FAM193A: variants seen among roughly 807,000 people sequenced by gnomAD.
FAM193A encodes family with sequence similarity 193 member A, also known as protein FAM193A.
In FAM193A, 22 loss-of-function variants were observed where a neutral mutation model predicts 126.5. That is an observed-to-expected ratio of 0.17 (90% CI 0.12 to 0.25). FAM193A has a LOEUF of 0.25. Among genes scored for constraint, FAM193A ranks in the 10% least tolerant of loss-of-function variants. FAM193A has a pLI of 1.00. For missense variants in FAM193A, 1,675 were observed against 1,672.8 expected (o/e 1.00, Z -0.02); for synonymous variants, 761 against 646.8 (o/e 1.18, Z -2.68).
chr4:2,542,638 T>C (rs923004240), intron 1 of FAM193A, among the ~76,000 whole-genome samples: 1 of 152,210 alleles, frequency 6.6e-6, no homozygotes, highest in African/African-American at 2.4e-5. Flanking sequence ...GTACCTTGTA[T>C]GGTGCAAAAT....
At chr4:2,579,854 G>T (rs1383544304) in intron 1 of FAM193A, among the ~76,000 whole-genome samples, 1 of 152,210 alleles carries the variant, frequency 6.6e-6, no homozygotes, top group Admixed American at 6.5e-5. Flanking sequence ...TTTAACCATT[G>T]TGGAAGATGA....
At chr4:2,724,763 A>G (rs1024200587) in intron 20 of FAM193A, among the ~76,000 whole-genome samples, 4 of 152,328 alleles carry the variant, frequency 2.6e-5, no homozygotes, top group South Asian at 2.1e-4. Context: ...GAAGCTTTAC[A>G]TTATTGGCAG....
At chr4:2,730,376 C>T (rs1560629881) in intron 20 of FAM193A, among the ~76,000 whole-genome samples, 1 of 152,086 alleles carries the variant, frequency 6.6e-6, no homozygotes, top group South Asian at 2.1e-4. Context: ...ACAATTTTTT[C>T]GAGGCCTCTG....
intron 13 of FAM193A, among the ~76,000 whole-genome samples, chr4:2,688,113 A>T (rs1282150532): frequency 1.3e-5 from 2 of 152,212 alleles, no homozygotes; most frequent in African/African-American, 4.8e-5. Context: ...AGCAGACAGA[A>T]GTCCTGCTGA....
At chr4:2,540,411 T>C (rs1737157446) in intron 1 of FAM193A, among the ~76,000 whole-genome samples, 1 of 151,886 alleles carries the variant, frequency 6.6e-6, no homozygotes, top group African/African-American at 2.4e-5. Context: ...GAGCTTGCAG[T>C]GAGCCGAGAT....
Position 2,700,078 on chromosome 4 carries a change from C to T in FAM193A, c.3906C>T (p.Thr1302=), listed in dbSNP as rs1012505511. The change falls in exon 19 of 21, where the codon ACC becomes ACT. Residue 1302 remains threonine (T), a synonymous_variant. Coordinates refer to ENST00000637812, the MANE Select transcript of FAM193A (RefSeq NM_001366318.2). ...GGGATGCTGCAGACCCCGTCGACAC[C>T]AGAGACTCCAAATTTCTCCTCCCCA... The part of the protein sequence containing the change: ...ADGDAADPVD[T]RDSKFLLPKE... The T allele has an allele frequency of 7.4e-6, 12 of 1,613,814 alleles. No individual in the cohort carries two copies. Among genetic ancestry groups the T allele is most frequent in the African/African-American group, 1.3e-5 (1 of 74,848 alleles).
chr4:2,687,618 T>A (rs1476357937), intron 13 of FAM193A, among the ~76,000 whole-genome samples: 1 of 152,202 alleles, frequency 6.6e-6, no homozygotes, highest in African/African-American at 2.4e-5. Flanking sequence ...TTCATCTTGA[T>A]AGCTCCAGAA....
chr4:2,628,521 C>T (rs923717936), intron 4 of FAM193A, among the ~76,000 whole-genome samples: 6 of 152,058 alleles, frequency 3.9e-5, no homozygotes, highest in Middle Eastern at 3.4e-3. Flanking sequence ...CTTGTGGTCC[C>T]GGTTGCTTGG....
intron 2 of FAM193A, among the ~76,000 whole-genome samples, chr4:2,623,706 C>T (rs769835946): frequency 4.2e-4 from 64 of 152,284 alleles, no homozygotes; most frequent in Non-Finnish European, 6.0e-4. Context: ...CCACAGGCCA[C>T]CACCCGTCTC....
intron 13 of FAM193A, among the ~76,000 whole-genome samples, chr4:2,685,297 T>G (rs116100149): frequency 6.6e-6 from 1 of 152,212 alleles, no homozygotes; most frequent in African/African-American, 2.4e-5. Flanking sequence ...ACACTCCCTC[T>G]CTGGGTTACT....
intron 20 of FAM193A, among the ~76,000 whole-genome samples, chr4:2,719,393 A>G (rs753758418): frequency 6.6e-6 from 1 of 152,230 alleles, no homozygotes; most frequent in Non-Finnish European, 1.5e-5. Context: ...TTTAAAAAGC[A>G]GTATACCATG....
intron 2 of FAM193A, among the ~76,000 whole-genome samples, chr4:2,605,549 A>T (rs1337709967): frequency 1.3e-5 from 2 of 152,242 alleles, no homozygotes; most frequent in Non-Finnish European, 1.5e-5. Context: ...TGTGGAGCAC[A>T]CATGACATTC....
At chr4:2,618,196 C>A (rs1187748540) in intron 2 of FAM193A, among the ~76,000 whole-genome samples, 2 of 152,138 alleles carry the variant, frequency 1.3e-5, no homozygotes, top group Non-Finnish European at 2.9e-5. Context: ...AGCAGTTTGA[C>A]TGTGATGGGC....
At chr4:2,671,830 A>G (rs1293153766) in intron 12 of FAM193A, among the ~76,000 whole-genome samples, 1 of 152,174 alleles carries the variant, frequency 6.6e-6, no homozygotes, top group Non-Finnish European at 1.5e-5. Context: ...GTCCCTGCTC[A>G]CATGTGGGAA....
intron 12 of FAM193A, among the ~76,000 whole-genome samples, chr4:2,668,220 T>G (rs1243339517): frequency 6.6e-6 from 1 of 151,530 alleles, no homozygotes; most frequent in Non-Finnish European, 1.5e-5. Flanking sequence ...CATCTTTTTT[T>G]TTTTTTTTTT....
chr4:2,551,599 T>C (rs2108820908), intron 1 of FAM193A, among the ~76,000 whole-genome samples: 1 of 152,328 alleles, frequency 6.6e-6, no homozygotes, highest in South Asian at 2.1e-4. Context: ...ATCCTTTTAA[T>C]GTCTGTGGGA....
At chr4:2,638,155 G>A (rs1399301930) in intron 5 of FAM193A, among the ~76,000 whole-genome samples, 1 of 152,188 alleles carries the variant, frequency 6.6e-6, no homozygotes, top group African/African-American at 2.4e-5. Context: ...TTGCCAACCT[G>A]GTCTGATCCA....
chr4:2,609,350 G>C (rs981694775), intron 2 of FAM193A, among the ~76,000 whole-genome samples: 3 of 152,062 alleles, frequency 2.0e-5, no homozygotes, highest in Admixed American at 2.0e-4. Flanking sequence ...TGGCACTTTG[G>C]GGTAATTGTT....
chr4:2,570,348 T>G (rs984999950), intron 1 of FAM193A, among the ~76,000 whole-genome samples: 3 of 152,178 alleles, frequency 2.0e-5, no homozygotes, highest in Non-Finnish European at 4.4e-5. Flanking sequence ...GTGGATTTGG[T>G]AACCCTAACT....
Sources: allele counts gnomAD v4.1 joint callset (sites outside exome capture counted in the v4.1 genomes callset), GRCh38; gene constraint gnomAD v4.1.1; transcripts MANE v1.5; gene names NCBI Gene and HGNC (gene_info 2026-07-23, HGNC 2026-07-21).